The following RAD51B variants were observed in gnomAD, a reference collection of about 807,000 sequenced individuals.
The protein encoded by RAD51B is DNA repair protein RAD51 homolog 2.
A neutral mutation model predicts 42.2 loss-of-function variants in RAD51B; 38 were observed. The observed-to-expected ratio is 0.90, with a 90% CI of 0.70 to 1.18. The LOEUF is 1.18. Among genes scored for constraint, RAD51B ranks in the 50% most tolerant of loss-of-function variants. RAD51B has a pLI of 0.00. For synonymous variants in RAD51B, 154 were observed against 145.2 expected, an observed-to-expected ratio of 1.06 and a Z score of -0.43; for missense variants, 373 against 400.7, an observed-to-expected ratio of 0.93 and a Z score of 0.59.
intron 7 of RAD51B, among the ~76,000 whole-genome samples, chr14:68,211,117 T>C (rs143881571): frequency 3.3e-4 from 51 of 152,356 alleles, no homozygotes; most frequent in Non-Finnish European, 5.0e-4. Flanking sequence ...ACTAATGTGC[T>C]GTGGTCAGAA....
intron 7 of RAD51B, among the ~76,000 whole-genome samples, chr14:68,015,617 A>G (rs7350713): frequency 1.3e-5 from 2 of 152,148 alleles, no homozygotes; most frequent in Non-Finnish European, 2.9e-5. Flanking sequence ...ATTCACTATC[A>G]TGAGAACAGC....
At chr14:68,682,929 T>G in intron 11 of RAD51B, 1 of 871,956 alleles carries the variant, frequency 1.1e-6, no homozygotes, top group African/African-American at 2.4e-5. Flanking sequence ...TTTTTTTTTT[T>G]TGTATAGGGC....
intron 10 of RAD51B, among the ~76,000 whole-genome samples, chr14:68,619,836 G>A (rs546325023): frequency 1.3e-5 from 2 of 152,308 alleles, no homozygotes; most frequent in South Asian, 4.1e-4. Context: ...TCTGCATAGT[G>A]CACCTTTTCT....
chr14:67,836,797 AG>A lies in RAD51B; in HGVS notation c.315+1603del, dbSNP rs1566915789. Among the ~76,000 whole-genome samples the A allele has an allele frequency of 3.3e-5, 5 of 152,320 alleles. No homozygotes were observed. In the South Asian group the frequency reaches 1.0e-3, roughly 32 times the overall value. ...TGGAGGAAGAAGTGTCAGGAATTTG[AG>A]GACATTTTAAAACCACTGCAGTTAT... is the stretch of plus-strand genomic sequence containing the variant. On this transcript the variant is annotated intron_variant, in intron 4 of 10. Transcript: ENST00000471583.
intron 7 of RAD51B, among the ~76,000 whole-genome samples, chr14:68,170,304 G>A (rs2078845673): frequency 6.6e-6 from 1 of 152,032 alleles, no homozygotes; most frequent in Non-Finnish European, 1.5e-5. Context: ...CCTTTAATTT[G>A]CCTAGTACAG....
chr14:67,847,501 A>G (rs1182624938), intron 4 of RAD51B, among the ~76,000 whole-genome samples: 1 of 151,948 alleles, frequency 6.6e-6, no homozygotes. Flanking sequence ...ATTAATATCA[A>G]ATAATTTTTT....
chr14:67,927,699 T>TTGTG lies in RAD51B; in HGVS notation c.756+40498_756+40499insGTGT, dbSNP rs569394299. Among the ~76,000 whole-genome samples the TTGTG allele has an allele frequency of 9.6e-3, 1,285 of 134,338 alleles. 8 individuals are homozygous for TTGTG. The highest frequency in any genetic ancestry group is 0.015 in the Middle Eastern group (4 of 262). 88.1% of individuals were successfully genotyped at this position (134,338 alleles called of 152,430 possible). On this transcript the variant is annotated intron_variant, in intron 7 of 10. Transcript: ENST00000471583. ...TTTTTTATGGCTGAATAGTATTTCA[T>TTGTG]TGTATGTGTGTGTGTGTGTGTGTGT... is the stretch of plus-strand genomic sequence containing the variant.
At chr14:68,677,300 T>A (rs1037047846) in intron 11 of RAD51B, among the ~76,000 whole-genome samples, 6 of 152,158 alleles carry the variant, frequency 3.9e-5, no homozygotes, top group African/African-American at 1.4e-4. Context: ...CAGTGATGGA[T>A]GCATTTGGGC....
chr14:67,960,646 A>G (rs1368507072), intron 7 of RAD51B, among the ~76,000 whole-genome samples: 2 of 152,106 alleles, frequency 1.3e-5, no homozygotes, highest in South Asian at 4.1e-4. Flanking sequence ...AATTTGCCAC[A>G]CTCAGAGGAA....
At chr14:67,974,360 A>G (rs567703226) in intron 7 of RAD51B, among the ~76,000 whole-genome samples, 10 of 152,258 alleles carry the variant, frequency 6.6e-5, no homozygotes, top group African/African-American at 2.4e-4. Flanking sequence ...TTTTTCTACT[A>G]AATTCAGTAA....
At chr14:67,820,963 G>T (rs867069749) in intron 1 of RAD51B, among the ~76,000 whole-genome samples, 1 of 152,184 alleles carries the variant, frequency 6.6e-6, no homozygotes, top group African/African-American at 2.4e-5. Context: ...TGAGAAGGAA[G>T]TGAGGGACCA....
chr14:68,339,357 G>C, intron 8 of RAD51B: 1 of 1,026,658 alleles, frequency 9.7e-7, no homozygotes, highest in South Asian at 1.3e-5. Context: ...GATATAGTGG[G>C]GCCATTTCAC....
chr14:68,058,209 T>C (rs1320361221), intron 7 of RAD51B, among the ~76,000 whole-genome samples: 1 of 152,214 alleles, frequency 6.6e-6, no homozygotes, highest in Admixed American at 6.5e-5. Flanking sequence ...AAGTATAATC[T>C]GTTTATTTAT....
chr14:67,937,939 C>T (rs1193353111), intron 7 of RAD51B, among the ~76,000 whole-genome samples: 3 of 151,704 alleles, frequency 2.0e-5, no homozygotes, highest in African/African-American at 4.8e-5. Context: ...AATAGTGCAC[C>T]GATGGCCTTC....
At position 68,289,257 on chromosome 14, in the gene RAD51B, G is replaced by C. The variant is rs559004188; in HGVS notation, c.757-2627G>C. On this transcript the variant is annotated intron_variant, in intron 7 of 10. Coordinates refer to ENST00000471583, the MANE Select transcript of RAD51B (RefSeq NM_133510.4). ...TTTATTGAATATTTACTATGTGTCA[G>C]ATACTTTAAGTATCTTACATTGATT... Among the ~76,000 whole-genome samples the C allele has an allele frequency of 9.9e-5, 15 of 152,230 alleles. No individual in the cohort carries two copies. In the East Asian group the frequency reaches 1.9e-3, roughly 20 times the overall value.
chr14:67,983,084 C>T (rs901733432), intron 7 of RAD51B, among the ~76,000 whole-genome samples: 1 of 152,000 alleles, frequency 6.6e-6, no homozygotes, highest in African/African-American at 2.4e-5. Context: ...TAGAAACTGT[C>T]TAATACTATT....
At chr14:68,274,839 G>T (rs924730311) in intron 7 of RAD51B, among the ~76,000 whole-genome samples, 1 of 152,116 alleles carries the variant, frequency 6.6e-6, no homozygotes, top group African/African-American at 2.4e-5. Context: ...CCCATAAACT[G>T]GTGGTTGCTG....
chr14:68,233,903 C>T (rs1209855129), intron 7 of RAD51B, among the ~76,000 whole-genome samples: 1 of 152,138 alleles, frequency 6.6e-6, no homozygotes, highest in Non-Finnish European at 1.5e-5. Flanking sequence ...GGTCTTACAG[C>T]ATACTAAGGC....
At chr14:68,126,396 T>A (rs2077760674) in intron 7 of RAD51B, among the ~76,000 whole-genome samples, 1 of 152,240 alleles carries the variant, frequency 6.6e-6, no homozygotes, top group South Asian at 2.1e-4. Context: ...TCCTTCTTTA[T>A]GGATTACTTT....
Sources: allele counts gnomAD v4.1 joint callset (sites outside exome capture counted in the v4.1 genomes callset), GRCh38; gene constraint gnomAD v4.1.1; transcripts MANE v1.5; gene names NCBI Gene and HGNC (gene_info 2026-07-23, HGNC 2026-07-21).